The following RIMBP2 variants were observed in gnomAD, a reference collection of about 807,000 sequenced individuals.
RIMBP2 encodes RIMS-binding protein 2.
In RIMBP2, 48 loss-of-function variants were observed where a neutral mutation model predicts 118.6. That is an observed-to-expected ratio of 0.40 (90% CI 0.32 to 0.51). The LOEUF is 0.51. Ranked by LOEUF, RIMBP2 falls within the 20% of genes least tolerant of loss-of-function variation. The pLI, the probability that RIMBP2 is intolerant of heterozygous loss-of-function variation, is 0.41. For missense variants in RIMBP2, 1,551 were observed against 1,768.3 expected (o/e 0.88, Z 2.20); for synonymous variants, 762 against 742.9 (o/e 1.03, Z -0.42).
chr12:130,521,100 A>C (rs7967050), intron 2 of RIMBP2, among the ~76,000 whole-genome samples: 6,330 of 152,058 alleles, frequency 0.042, 290 homozygotes, highest in African/African-American at 0.11. Context: ...CCTACCTCTC[A>C]CCCTTCTGAT....
rs903355893 is a variant in RIMBP2 at position 130,578,126 on chromosome 12, A to T, written c.-217+50196T>A. Among the ~76,000 whole-genome samples, 1 of 152,182 alleles carries T rather than the reference A, an allele frequency of 6.6e-6. No individual in the cohort carries two copies. The highest frequency in any genetic ancestry group is 1.5e-5 in the Non-Finnish European group (1 of 68,036). Reference sequence around the variant, plus strand: ...ACCCAGTAGCACACTGTGGCAAATTATTCACAGGATTCAGAGATTCCAGGA... The same window carrying T: ...ACCCAGTAGCACACTGTGGCAAATTTTTCACAGGATTCAGAGATTCCAGGA... On this transcript the variant is annotated intron_variant, in intron 2 of 22. Transcript: ENST00000690449. This position sits in a 1 kb window ranked among gnomAD's most constrained non-coding sequence, Gnocchi z 4.1.
chr12:130,488,016 C>T (rs1305925511), intron 4 of RIMBP2, among the ~76,000 whole-genome samples: 1 of 152,186 alleles, frequency 6.6e-6, no homozygotes, highest in Non-Finnish European at 1.5e-5. Flanking sequence ...TCCGTGTGTG[C>T]ACTCCACAGG....
intron 1 of RIMBP2, among the ~76,000 whole-genome samples, chr12:130,713,936 G>A (rs1330024793): frequency 2.6e-5 from 4 of 152,208 alleles, no homozygotes; most frequent in Non-Finnish European, 2.9e-5. Context: ...GATCCTCAAA[G>A]TGGGGTCCCT....
rs2064157471 is a variant in RIMBP2 at position 130,670,688 on chromosome 12, G to C, written c.-351-42232C>G. On this transcript the variant is annotated intron_variant, in intron 1 of 22. Transcript: ENST00000690449. The surrounding 1 kb of genome is among the most constrained non-coding windows in gnomAD (Gnocchi z 4.9). ...AACGCTCACTGTCCCACCCTCCCTT[G>C]CAGCTACAGTTGTCCATGGGGCATA... 6.7e-6 allele frequency among the ~76,000 whole-genome samples: 1 copy of C among 149,458 alleles called. No homozygotes were observed. Among genetic ancestry groups the C allele is most frequent in the African/African-American group, 2.4e-5 (1 of 41,262 alleles).
intron 11 of RIMBP2, among the ~76,000 whole-genome samples, chr12:130,438,839 C>G (rs113009715): frequency 2.7e-3 from 407 of 152,262 alleles, no homozygotes; most frequent in African/African-American, 9.3e-3. Context: ...GCAGAGCTAC[C>G]TCTGTCCAGG....
chr12:130,535,758 T>TACACATATACATATAC lies in RIMBP2; in HGVS notation c.-216-17842_-216-17841insGTATATGTATATGTGT, dbSNP rs1566218322. Among the ~76,000 whole-genome samples the TACACATATACATATAC allele has an allele frequency of 9.6e-3, 605 of 63,288 alleles. 9 individuals are homozygous for TACACATATACATATAC. The highest frequency in any genetic ancestry group is 0.025 in the African/African-American group (576 of 23,112). 41.5% of individuals were successfully genotyped at this position (63,288 alleles called of 152,430 possible). A position where few individuals can be genotyped will look rare whatever the true frequency, so the allele number is the denominator to read the frequency against. On this transcript the variant is annotated intron_variant, in intron 2 of 22. Coordinates refer to ENST00000690449, the MANE Select transcript of RIMBP2 (RefSeq NM_001393629.1). ...ATATACATATATATATATATATATA[T>TACACATATACATATAC]ATATATATATATATATATATATATA...
intron 1 of RIMBP2, among the ~76,000 whole-genome samples, chr12:130,676,612 G>C (rs1054735791): frequency 2.7e-5 from 4 of 150,898 alleles, no homozygotes; most frequent in Non-Finnish European, 4.4e-5. Flanking sequence ...GACAGAGCGA[G>C]AGTCTGTCTC....
At chr12:130,555,970 G>A (rs952136601) in intron 2 of RIMBP2, among the ~76,000 whole-genome samples, 3 of 152,212 alleles carry the variant, frequency 2.0e-5, no homozygotes, top group East Asian at 1.9e-4. Flanking sequence ...GCACCCGACA[G>A]GAACATCATG....
At position 130,578,956 on chromosome 12, in the gene RIMBP2, A is replaced by G. The variant is rs78818002; in HGVS notation, c.-217+49366T>C. On this transcript the variant is annotated intron_variant, in intron 2 of 22. Coordinates refer to ENST00000690449, the MANE Select transcript of RIMBP2 (RefSeq NM_001393629.1). This position sits in a 1 kb window ranked among gnomAD's most constrained non-coding sequence, Gnocchi z 4.1. ...AAATACAAATCAAGTGGGATTAAAAAAAGATGAGAAGTTGTCTCACATCCA... is the reference window on the plus strand; with the variant it reads ...AAATACAAATCAAGTGGGATTAAAAGAAGATGAGAAGTTGTCTCACATCCA... 0.012 allele frequency among the ~76,000 whole-genome samples: 1,807 copies of G among 152,344 alleles called. 32 individuals carry two copies. The highest frequency in any genetic ancestry group is 0.04 in the African/African-American group (1,680 of 41,564).
rs560926052 is a variant in RIMBP2 at position 130,424,633 on chromosome 12, G to A, written c.2638C>T (p.Arg880Trp). 393 of 1,231,882 alleles carry A rather than the reference G, an allele frequency of 3.2e-4. No homozygotes were observed. Among genetic ancestry groups the A allele is most frequent in the Admixed American group, 1.7e-3 (40 of 23,724 alleles). 76.3% of individuals were successfully genotyped at this position (1,231,882 alleles called of 1,614,324 possible). A position where few individuals can be genotyped will look rare whatever the true frequency, so the allele number is the denominator to read the frequency against. Residue 880 changes from arginine to tryptophan, a missense_variant, in exon 16 of 23, where the codon CGG becomes TGG. Transcript: ENST00000690449. The surrounding 1 kb of genome is among the most constrained non-coding windows in gnomAD (Gnocchi z 9.8). ...TGCTTCACCGGGAACCAGGAGCCCC[G>A]AGGGGCCTCGTCGCCCCTGTAGGGC... is the stretch of plus-strand genomic sequence containing the variant. ...GRPYRGDEAP[R>W]GSWFPVKHRG...
At chr12:130,445,358 C>T in intron 9 of RIMBP2, 89 bp from the exon 10 acceptor site, 1 of 818,008 alleles carries the variant, frequency 1.2e-6, no homozygotes, top group South Asian at 1.8e-5. Flanking sequence ...GGGCACATGG[C>T]TTCTCTCCCA....
At chr12:130,493,943 G>C (rs548772371) in intron 4 of RIMBP2, among the ~76,000 whole-genome samples, 1 of 152,132 alleles carries the variant, frequency 6.6e-6, no homozygotes, top group Non-Finnish European at 1.5e-5. Flanking sequence ...CACCAACTAC[G>C]TCCAGGTGGC....
At chr12:130,518,881 G>A (rs1418483939) in intron 2 of RIMBP2, among the ~76,000 whole-genome samples, 1 of 152,128 alleles carries the variant, frequency 6.6e-6, no homozygotes, top group East Asian at 1.9e-4. Flanking sequence ...TAATAATCAG[G>A]ATAAATTTAC....
chr12:130,574,540 TGA>T (rs1481360906), intron 2 of RIMBP2, among the ~76,000 whole-genome samples: 1 of 152,170 alleles, frequency 6.6e-6, no homozygotes, highest in Non-Finnish European at 1.5e-5. Context: ...CCAGTGTGTG[TGA>T]GAGACATGGA....
intron 2 of RIMBP2, among the ~76,000 whole-genome samples, chr12:130,574,793 T>G (rs2140107692): frequency 6.6e-6 from 1 of 152,022 alleles, no homozygotes; most frequent in East Asian, 2.0e-4. Flanking sequence ...CTAGGCACTG[T>G]GGCCGTCACC....
Position 130,425,093 on chromosome 12 carries a change from G to A in RIMBP2, c.2413-235C>T, listed in dbSNP as rs146969542. 917 of 378,420 alleles carry A rather than the reference G, an allele frequency of 2.4e-3. 15 individuals are homozygous for A. The Admixed American group carries it at 0.031, about 13-fold the overall frequency. 23.4% of individuals were successfully genotyped at this position (378,420 alleles called of 1,614,324 possible). A position where few individuals can be genotyped will look rare whatever the true frequency, so the allele number is the denominator to read the frequency against. ...GAGGCAGAGCACACGCAGAGCCAGC[G>A]GGCCGGGCAGGAGCCAGCGCCATGC... On this transcript the variant is annotated intron_variant, in intron 15 of 22. Transcript: ENST00000690449.
chr12:130,478,607 T>C (rs1006037761), intron 5 of RIMBP2, among the ~76,000 whole-genome samples: 1 of 152,308 alleles, frequency 6.6e-6, no homozygotes, highest in East Asian at 1.9e-4. Flanking sequence ...CACTGCTTTT[T>C]CCAGAAGCGG....
intron 3 of RIMBP2, among the ~76,000 whole-genome samples, chr12:130,516,345 C>T (rs955304340): frequency 2.0e-5 from 3 of 152,238 alleles, no homozygotes; most frequent in Non-Finnish European, 4.4e-5. Context: ...TAGATGTTGA[C>T]TGAGCACCCG....
Position 130,623,071 on chromosome 12 carries a change from A to G in RIMBP2, c.-217+5251T>C, listed in dbSNP as rs1455410102. 6.6e-6 allele frequency among the ~76,000 whole-genome samples: 1 copy of G among 152,212 alleles called. No individual in the cohort carries two copies. Among genetic ancestry groups the G allele is most frequent in the African/African-American group, 2.4e-5 (1 of 41,456 alleles). On this transcript the variant is annotated intron_variant, in intron 2 of 22. Transcript: ENST00000690449. The surrounding 1 kb of genome is among the most constrained non-coding windows in gnomAD (Gnocchi z 4.1). ...TTTGCCAAGCATCTGTAGTGTACAA[A>G]ATCAGGTTGCTGGGCTACTTACACA...
Sources: gnomAD v4.1 joint callset for allele counts (sites outside exome capture counted in the v4.1 genomes callset) on GRCh38, gnomAD v4.1.1 for gene constraint, Gnocchi (gnomAD v3.1) non-coding constraint, MANE v1.5 for transcripts, NCBI Gene and HGNC (gene_info 2026-07-23, HGNC 2026-07-21) for gene names.